Variants in LPP observed in about 807,000 individuals in gnomAD.
The protein encoded by LPP is LIM domain containing preferred translocation partner in lipoma, also known as lipoma-preferred partner.
Under a neutral mutation model 60.4 loss-of-function variants are expected in LPP, and 38 were observed. The ratio of observed to expected loss-of-function variants is 0.63; its 90% CI spans 0.49 to 0.83. The LOEUF is 0.83. Among genes scored for constraint, LPP ranks in the 40% least tolerant of loss-of-function variants. The probability of loss-of-function intolerance (pLI) is 0.00; values close to 1 mark genes in which losing one functional copy is unlikely to be tolerated. For missense variants in LPP, 902 were observed against 783.6 expected, an observed-to-expected ratio of 1.15 and a Z score of -1.80; for synonymous variants, 328 against 290.8, an observed-to-expected ratio of 1.13 and a Z score of -1.30.
rs866521084 is a variant in LPP at position 188,814,278 on chromosome 3, A to G, written c.1411-51922A>G. 1.3e-5 allele frequency among the ~76,000 whole-genome samples: 2 copies of G among 152,210 alleles called. 1 individual carries two copies. Among genetic ancestry groups the G allele is most frequent in the Admixed American group, 1.3e-4 (2 of 15,284 alleles). On this transcript the variant is annotated intron_variant, in intron 9 of 11. Coordinates refer to ENST00000617246, the MANE Select transcript of LPP (RefSeq NM_001375462.1). Reference sequence around the variant, plus strand: ...TAAAATATACACTAAGACAGTATGCATTACAAAAAAGCCACAATAAGGACA... The same window carrying G: ...TAAAATATACACTAAGACAGTATGCGTTACAAAAAAGCCACAATAAGGACA...
At chr3:188,323,096 T>G (rs374120975) in intron 2 of LPP, among the ~76,000 whole-genome samples, 4 of 152,188 alleles carry the variant, frequency 2.6e-5, no homozygotes, top group South Asian at 2.1e-4. Context: ...CTAAAAGCGC[T>G]TGATGGATTT....
rs139944389 is a variant in LPP, at chr3:188,609,484, T to C, written c.753T>C (p.Tyr251=). 1.1e-4 allele frequency: 176 copies of C among 1,614,192 alleles called. No individual in the cohort carries two copies. In the African/African-American group the frequency reaches 2.1e-3, roughly 19 times the overall value. The part of the protein sequence containing the change: ...GQIYGSGPQG[Y]NTQPVPVSGQ... The stretch of plus-strand genomic sequence containing the variant: ...TTTATGGCTCAGGGCCCCAGGGCTA[T>C]AACACTCAGCCAGTTCCTGTCTCTG... Residue 251 remains tyrosine, a synonymous_variant, in exon 7 of 12, where the codon TAT becomes TAC. Transcript: ENST00000617246. The surrounding 1 kb of genome is among the most constrained non-coding windows in gnomAD (Gnocchi z 6.9).
Position 188,484,609 on chromosome 3 carries a change from C to A in LPP, c.211C>A (p.Pro71Thr). 6.2e-7 allele frequency: 1 copy of A among 1,613,192 alleles called. No homozygotes were observed. The highest frequency in any genetic ancestry group is 8.5e-7 in the Non-Finnish European group (1 of 1,179,406). Residue 71 changes from proline (P) to threonine (T), a missense_variant, in exon 5 of 12, where the codon CCA (proline) becomes ACA (threonine). Coordinates refer to ENST00000617246, the MANE Select transcript of LPP (RefSeq NM_001375462.1). Reference sequence around the variant, plus strand: ...TTCTGTAGGTGATTTTCTTCCACCCCCACCTCCACCTCTAGATGATTCCAG... The same window carrying A: ...TTCTGTAGGTGATTTTCTTCCACCCACACCTCCACCTCTAGATGATTCCAG... Reference protein sequence around the residue: ...PGGEGDFLPPPPPPLDDSSAL... With the variant: ...PGGEGDFLPPTPPPLDDSSAL...
intron 4 of LPP, among the ~76,000 whole-genome samples, chr3:188,482,232 CTCT>C (rs1054008878): frequency 2.6e-5 from 4 of 152,190 alleles, no homozygotes; most frequent in African/African-American, 7.2e-5. Context: ...TCAATTAAAC[CTCT>C]TCTTCTTTAT....
At chr3:188,371,219 C>A (rs1430371394) in intron 3 of LPP, among the ~76,000 whole-genome samples, 1 of 152,012 alleles carries the variant, frequency 6.6e-6, no homozygotes, top group Non-Finnish European at 1.5e-5. Context: ...TCATGAATAG[C>A]CTGTCCAATC....
At chr3:188,524,457 A>G (rs946337161) in intron 5 of LPP, among the ~76,000 whole-genome samples, 11 of 152,148 alleles carry the variant, frequency 7.2e-5, no homozygotes, top group African/African-American at 2.7e-4. Flanking sequence ...CCTGAGAAAA[A>G]TCATCTTTTA....
chr3:188,641,940 A>C (rs1850223415), intron 7 of LPP, among the ~76,000 whole-genome samples: 1 of 152,124 alleles, frequency 6.6e-6, no homozygotes, highest in African/African-American at 2.4e-5. Flanking sequence ...GTGGCTGGTT[A>C]CCGGATGGAA....
intron 9 of LPP, among the ~76,000 whole-genome samples, chr3:188,851,259 G>A (rs918697905): frequency 6.6e-6 from 1 of 152,128 alleles, no homozygotes; most frequent in Admixed American, 6.5e-5. Flanking sequence ...TGAAGTTCTA[G>A]CTTTTTAACT....
At chr3:188,433,982 G>A (rs1791672485) in intron 4 of LPP, among the ~76,000 whole-genome samples, 2 of 152,100 alleles carry the variant, frequency 1.3e-5, no homozygotes, top group Admixed American at 1.3e-4. Context: ...GAGGGTGAAT[G>A]GTAGTATAAC....
chr3:188,816,955 T>C (rs918411958), intron 9 of LPP, among the ~76,000 whole-genome samples: 5 of 152,194 alleles, frequency 3.3e-5, no homozygotes, highest in Non-Finnish European at 5.9e-5. Flanking sequence ...GCTTTTGACC[T>C]TTTTTTCTTC....
chr3:188,516,409 C>T (rs1010670634), intron 5 of LPP, among the ~76,000 whole-genome samples: 11 of 152,070 alleles, frequency 7.2e-5, no homozygotes, highest in Non-Finnish European at 1.6e-4. Context: ...TATTACTATA[C>T]AGCATGAGAG....
chr3:188,249,524 A>T (rs537585443), intron 2 of LPP, among the ~76,000 whole-genome samples: 2 of 151,848 alleles, frequency 1.3e-5, no homozygotes, highest in East Asian at 3.9e-4. Context: ...CTCTGAAATA[A>T]ATATATATAT....
At chr3:188,477,969 A>T (rs1244493597) in intron 4 of LPP, among the ~76,000 whole-genome samples, 1 of 152,216 alleles carries the variant, frequency 6.6e-6, no homozygotes, top group Non-Finnish European at 1.5e-5. Flanking sequence ...ACATATTTTG[A>T]TGCAGATTGA....
intron 5 of LPP, among the ~76,000 whole-genome samples, chr3:188,516,653 T>G (rs1412434854): frequency 5.1e-5 from 7 of 136,332 alleles, no homozygotes; most frequent in Non-Finnish European, 9.0e-5. Context: ...GAAAAGTCAT[T>G]CTCAAAGTGA....
intron 1 of LPP, among the ~76,000 whole-genome samples, chr3:188,165,540 A>T (rs1207344939): frequency 6.6e-6 from 1 of 152,196 alleles, no homozygotes; most frequent in Non-Finnish European, 1.5e-5. Context: ...GTCTACATTG[A>T]GAGAAACCTT....
chr3:188,338,659 C>T (rs962947262), intron 2 of LPP, among the ~76,000 whole-genome samples: 2 of 152,108 alleles, frequency 1.3e-5, no homozygotes, highest in Admixed American at 6.5e-5. Context: ...TCCCCCTATT[C>T]GGAATGAATA....
chr3:188,450,994 T>G (rs922338252), intron 4 of LPP, among the ~76,000 whole-genome samples: 1 of 152,054 alleles, frequency 6.6e-6, no homozygotes, highest in African/African-American at 2.4e-5. Context: ...GTGGGGAGGG[T>G]GCTTGATCAT....
rs866650494 is a variant in LPP, at chr3:188,886,739, C to T, written c.*12260C>T. 3.2e-4 allele frequency: 55 copies of T among 173,346 alleles called. No homozygotes were observed. Among genetic ancestry groups the T allele is most frequent in the Non-Finnish European group, 5.4e-4 (45 of 82,688 alleles). The allele number at this position is 173,346 out of a possible 1,614,324, so 10.7% of individuals were successfully genotyped here. The stretch of plus-strand genomic sequence containing the variant: ...TTCAAAACACACACACACACACATA[C>T]ACACACACACACACACACACACACA... On this transcript the variant is annotated 3_prime_UTR_variant, in exon 12 of 12. Coordinates refer to ENST00000617246, the MANE Select transcript of LPP (RefSeq NM_001375462.1).
Position 188,697,109 on chromosome 3 carries a change from C to A in LPP, c.1114-11158C>A, listed in dbSNP as rs146109601. ...TCACTTAGGCACTTTGTCTGCCTCCCTGCTGAGGCCCAAAAATTCAGTGTG... is the reference window on the plus strand; with the variant it reads ...TCACTTAGGCACTTTGTCTGCCTCCATGCTGAGGCCCAAAAATTCAGTGTG... On this transcript the variant is annotated intron_variant, in intron 7 of 11. Coordinates refer to ENST00000617246, the MANE Select transcript of LPP (RefSeq NM_001375462.1). 5.2e-4 allele frequency among the ~76,000 whole-genome samples: 79 copies of A among 152,326 alleles called. 1 individual carries two copies. The highest frequency in any genetic ancestry group is 1.8e-3 in the African/African-American group (75 of 41,584).
Sources: allele counts gnomAD v4.1 joint callset (sites outside exome capture counted in the v4.1 genomes callset), GRCh38; gene constraint gnomAD v4.1.1; non-coding constraint Gnocchi (gnomAD v3.1); transcripts MANE v1.5; gene names NCBI Gene and HGNC (gene_info 2026-07-23, HGNC 2026-07-21).